CLN3: variants seen among roughly 807,000 people sequenced by gnomAD.
CLN3 encodes CLN3 lysosomal/endosomal transmembrane protein, battenin, also known as battenin.
Under a neutral mutation model 60.7 loss-of-function variants are expected in CLN3, and 49 were observed. That is an observed-to-expected ratio of 0.81 (90% confidence interval 0.64 to 1.02). The LOEUF (loss-of-function observed/expected upper bound fraction) is 1.02. Ranked by LOEUF, CLN3 falls within the 50% of genes least tolerant of loss-of-function variation. The probability of loss-of-function intolerance (pLI) is 0.00; values close to 1 mark genes in which losing one functional copy is unlikely to be tolerated. For synonymous variants in CLN3, 256 were observed against 245.8 expected (o/e 1.04, Z -0.39); for missense variants, 516 against 557.4 (o/e 0.93, Z 0.75).
In CLN3 at chr16:28,482,683, A is replaced by C. The variant is rs774607891; in HGVS notation, c.791-11T>G. 14 of 1,614,170 alleles carry C rather than the reference A, an allele frequency of 8.7e-6. No homozygotes were observed. In the South Asian group the frequency reaches 1.4e-4, roughly 16 times the overall value. On this transcript the variant is annotated splice_polypyrimidine_tract_variant and intron_variant, in intron 10 of 15. Coordinates refer to ENST00000636147, the MANE Select transcript of CLN3 (RefSeq NM_001042432.2). ...GGCTGGAGCTGGAGCCTGCAGGGGA[A>C]CAGAGAGAGAAGGGCAGATGAAGTT...
rs45542432 is a variant in CLN3, at chr16:28,482,570, G to A, written c.838-25C>T. The A allele has an allele frequency of 1.4e-3, 2,208 of 1,614,032 alleles. 3 individuals carry two copies. The highest frequency in any genetic ancestry group is 2.3e-3 in the Admixed American group (136 of 60,000). The stretch of plus-strand genomic sequence containing the variant: ...CCTGGAAAAGGCAGAAGATATAAGC[G>A]GGGGGCCTGGAGGTGAGCAAGCCCC... On this transcript the variant is annotated intron_variant, in intron 11 of 15. Transcript: ENST00000636147.
At position 28,477,587 on chromosome 16, in the gene CLN3, C is replaced by T; in HGVS notation, c.1246G>A (p.Asp416Asn). The change falls in exon 16 of 16, where the codon GAC (aspartate) becomes AAC (asparagine). Residue 416 changes from aspartate (D) to asparagine (N), a missense_variant. Asp to Asn is a conservative substitution (Grantham distance 23, BLOSUM62 1). Coordinates refer to ENST00000636147, the MANE Select transcript of CLN3 (RefSeq NM_001042432.2). Reference sequence around the variant, plus strand: ...CCCGACAGGGAGATCCCCAGTGTGTCAGAGATGCAGGTGGCCGCCATTGCA... The same window carrying T: ...CCCGACAGGGAGATCCCCAGTGTGTTAGAGATGCAGGTGGCCGCCATTGCA... Reference protein sequence around the residue: ...EFAMAATCISDTLGISLSGLL... With the variant: ...EFAMAATCISNTLGISLSGLL... 1 of 1,614,066 alleles carries T rather than the reference C, an allele frequency of 6.2e-7. No individual in the cohort carries two copies. The highest frequency in any genetic ancestry group is 8.5e-7 in the Non-Finnish European group (1 of 1,180,038).
At chr16:28,474,523 C>A (rs1358957409), downstream of CLN3, among the ~76,000 whole-genome samples, 11 of 151,686 alleles carry the variant, frequency 7.3e-5, no homozygotes, top group Admixed American at 5.9e-4. Flanking sequence ...ACGGAGGTTG[C>A]GGTGGAAAAA....
At chr16:28,489,604 T>C (rs2046279238) in intron 3 of CLN3, among the ~76,000 whole-genome samples, 1 of 152,096 alleles carries the variant, frequency 6.6e-6, no homozygotes, top group Non-Finnish European at 1.5e-5. Flanking sequence ...ATTTAAAAAT[T>C]AGCCAGGTGT....
At chr16:28,475,976 C>A (rs1213349612), downstream of CLN3, 1 of 151,678 alleles carries the variant, frequency 6.6e-6, no homozygotes, top group East Asian at 1.9e-4. Flanking sequence ...ACCTCCGCCT[C>A]CTGGGTTCAA....
downstream of CLN3, chr16:28,475,894 T>G (rs899920225): frequency 6.6e-6 from 1 of 150,968 alleles, no homozygotes; most frequent in African/African-American, 2.4e-5. Context: ...GTTTTTTTGT[T>G]TTTTTTTTTG....
At chr16:28,491,659 A>T in intron 2 of CLN3, 55 bp downstream of exon 2, 1 of 1,613,974 alleles carries the variant, frequency 6.2e-7, no homozygotes, top group Non-Finnish European at 8.5e-7. Context: ...CATTCCCCTC[A>T]GGTGGGCTGC....
At position 28,477,499 on chromosome 16, in the gene CLN3, C is replaced by T. The variant is rs773432104; in HGVS notation, c.*17G>A. The T allele has an allele frequency of 3.1e-6, 5 of 1,612,384 alleles. No homozygotes were observed. The highest frequency in any genetic ancestry group is 2.2e-5 in the East Asian group (1 of 44,874). On this transcript the variant is annotated 3_prime_UTR_variant, in exon 16 of 16. Coordinates refer to ENST00000636147, the MANE Select transcript of CLN3 (RefSeq NM_001042432.2). ...GCCCACAGGTGAATGTGACCTGCGT[C>T]CTGAGGATCCCGAGTATCAGGAGAG...
At chr16:28,477,214 G>A (rs1596618738), downstream of CLN3, 1 of 436,914 alleles carries the variant, frequency 2.3e-6, no homozygotes, top group South Asian at 2.1e-5. Context: ...CTATATATAG[G>A]AAAGTGGGCA....
chr16:28,480,643 G>A (rs1356994532), intron 14 of CLN3, among the ~76,000 whole-genome samples: 2 of 152,048 alleles, frequency 1.3e-5, no homozygotes, highest in African/African-American at 4.8e-5. Flanking sequence ...CTGACCTCAG[G>A]TGATTCACCT....
downstream of CLN3, among the ~76,000 whole-genome samples, chr16:28,474,604 G>A (rs2045976828): frequency 1.3e-5 from 2 of 152,180 alleles, no homozygotes; most frequent in African/African-American, 4.8e-5. Flanking sequence ...TAAAATTGCA[G>A]CCACTTTGGG....
At chr16:28,489,455 CT>C (rs1313384399) in intron 3 of CLN3, 69 bp from the exon 4 acceptor site, 5 of 1,068,994 alleles carry the variant, frequency 4.7e-6, no homozygotes, top group Non-Finnish European at 2.8e-6. Flanking sequence ...TGTGCCAAAC[CT>C]TCCCTTACCT....
Position 28,489,216 on chromosome 16 carries a change from T to G in CLN3, c.222+74A>C. 3 of 1,209,652 alleles carry G rather than the reference T, an allele frequency of 2.5e-6. No homozygotes were observed. In the South Asian group the frequency reaches 3.8e-5, roughly 16 times the overall value. 74.9% of individuals were successfully genotyped at this position (1,209,652 alleles called of 1,614,324 possible). A position where few individuals can be genotyped will look rare whatever the true frequency, so the allele number is the denominator to read the frequency against. On this transcript the variant is annotated intron_variant, in intron 4 of 15. Coordinates refer to ENST00000636147, the MANE Select transcript of CLN3 (RefSeq NM_001042432.2). Reference sequence around the variant, plus strand: ...TGTGCCCAGCCAGAGACTGGAAACTTTACCCCACCTTGTCCCACCCCCTCA... The same window carrying G: ...TGTGCCCAGCCAGAGACTGGAAACTGTACCCCACCTTGTCCCACCCCCTCA...
intron 7 of CLN3, 75 bp from the exon 8 acceptor site, chr16:28,486,725 A>G (rs1056705082): frequency 2.1e-6 from 3 of 1,399,880 alleles, no homozygotes; most frequent in Non-Finnish European, 3.0e-6. Flanking sequence ...GTGTCTGGCC[A>G]TGGCCTCCTC....
At chr16:28,487,276 T>C in intron 7 of CLN3, 180 bp downstream of exon 7, 1 of 676,370 alleles carries the variant, frequency 1.5e-6, no homozygotes, top group African/African-American at 1.8e-5. Flanking sequence ...TCCCATCTCC[T>C]CCACTGCCTA....
At chr16:28,470,773 G>A (rs1205571681), downstream of CLN3, among the ~76,000 whole-genome samples, 11 of 149,694 alleles carry the variant, frequency 7.3e-5, no homozygotes, top group African/African-American at 2.4e-4. Context: ...GTTCTCAAGC[G>A]CTGGTGGAAG....
chr16:28,481,424 A>G (rs1195174385), intron 14 of CLN3, among the ~76,000 whole-genome samples: 2 of 114,826 alleles, frequency 1.7e-5, no homozygotes, highest in African/African-American at 6.5e-5. Flanking sequence ...TAAAACACAC[A>G]CACACACACA....
chr16:28,485,729 C>T (rs2046202328), intron 9 of CLN3, among the ~76,000 whole-genome samples: 1 of 147,604 alleles, frequency 6.8e-6, no homozygotes, highest in Admixed American at 6.7e-5. Flanking sequence ...ATAAAGTCCA[C>T]CCTCATCCTA....
chr16:28,491,701 C>T lies in CLN3; in HGVS notation c.46+13G>A, dbSNP rs532377265. On this transcript the variant is annotated intron_variant, in intron 2 of 15. Transcript: ENST00000636147. ...GAGGTGGTCGTTCCATGAGGGTGGGCGGGAATACTCACCCTCGGAATCCGA... is the reference window on the plus strand; with the variant it reads ...GAGGTGGTCGTTCCATGAGGGTGGGTGGGAATACTCACCCTCGGAATCCGA... The T allele has an allele frequency of 2.0e-5, 32 of 1,614,048 alleles. No homozygotes were observed. In the South Asian group the frequency reaches 3.1e-4, roughly 16 times the overall value.
Sources: gnomAD v4.1 joint callset for allele counts (sites outside exome capture counted in the v4.1 genomes callset) on GRCh38, gnomAD v4.1.1 for gene constraint, MANE v1.5 for transcripts, NCBI Gene and HGNC (gene_info 2026-07-23, HGNC 2026-07-21) for gene names.